PPIL4: variants seen among roughly 807,000 people sequenced by gnomAD.
The protein encoded by PPIL4 is peptidyl-prolyl cis-trans isomerase-like 4.
Under a neutral mutation model 69.1 loss-of-function variants are expected in PPIL4, and 50 were observed. The ratio of observed to expected loss-of-function variants is 0.72; its 90% CI spans 0.58 to 0.92. The LOEUF (loss-of-function observed/expected upper bound fraction) is 0.92. PPIL4 is among the 40% of genes least tolerant of loss of function. PPIL4 has a pLI of 0.00. For synonymous variants in PPIL4, 193 were observed against 191.6 expected, an observed-to-expected ratio of 1.01 and a Z score of -0.06; for missense variants, 480 against 587.9, an observed-to-expected ratio of 0.82 and a Z score of 1.90.
Position 149,505,502 on chromosome 6 carries a change from C to CT in PPIL4, c.1429dup (p.Ser477LysfsTer10), listed in dbSNP as rs1776755480. On this transcript the variant is annotated frameshift_variant, in exon 13 of 13. Transcript: ENST00000253329. LOFTEE classifies it high-confidence loss of function. ...ATCTTTGGACTTCTTTGGACTTCTG[C>CT]TTCGGTCTCTCTTTTTACTCCTTTC... 6.2e-7 allele frequency: 1 copy of CT among 1,613,834 alleles called. No homozygotes were observed. Among genetic ancestry groups the CT allele is most frequent in the Non-Finnish European group, 8.5e-7 (1 of 1,179,924 alleles).
At chr6:149,531,150 G>A (rs1777189739) in intron 7 of PPIL4, among the ~76,000 whole-genome samples, 2 of 151,992 alleles carry the variant, frequency 1.3e-5, no homozygotes, top group South Asian at 4.2e-4. Context: ...GATCGCCTGA[G>A]GTCGGGAGTT....
chr6:149,519,649 C>T (rs1352545194), intron 10 of PPIL4, among the ~76,000 whole-genome samples: 1 of 152,148 alleles, frequency 6.6e-6, no homozygotes, highest in Non-Finnish European at 1.5e-5. Flanking sequence ...ACAGCTTCCA[C>T]TCAACATTCC....
At chr6:149,529,819 A>G (rs1419118664) in intron 7 of PPIL4, among the ~76,000 whole-genome samples, 1 of 151,276 alleles carries the variant, frequency 6.6e-6, no homozygotes, top group East Asian at 1.9e-4. Context: ...GGGAAAGGAG[A>G]AAGGGAAAGG....
At chr6:149,525,259 G>T in intron 8 of PPIL4, 50 bp from the exon 9 acceptor site, 2 of 906,678 alleles carry the variant, frequency 2.2e-6, no homozygotes, top group Non-Finnish European at 3.4e-6. Context: ...AAGGAAGAAA[G>T]CATTCACTCT....
chr6:149,540,917 C>G (rs1777349313), intron 4 of PPIL4, 25 bp downstream of exon 4: 1 of 1,392,050 alleles, frequency 7.2e-7, no homozygotes, highest in South Asian at 1.2e-5. Context: ...CTAAGCAAAT[C>G]TCATATTCTT....
intron 10 of PPIL4, chr6:149,517,852 C>G (rs1044165542): frequency 1.2e-5 from 2 of 161,058 alleles, no homozygotes; most frequent in Non-Finnish European, 2.7e-5. Context: ...AAAGATCTAA[C>G]GAGATAGTGT....
chr6:149,511,805 A>G (rs775134712), intron 12 of PPIL4, among the ~76,000 whole-genome samples: 1 of 152,218 alleles, frequency 6.6e-6, no homozygotes, highest in African/African-American at 2.4e-5. Context: ...AGTGCTATAC[A>G]TAACACTTGG....
intron 9 of PPIL4, among the ~76,000 whole-genome samples, chr6:149,521,424 C>A (rs1258759637): frequency 1.3e-5 from 2 of 152,180 alleles, no homozygotes; most frequent in East Asian, 3.9e-4. Flanking sequence ...AGGGTCAGAG[C>A]CAGGATTTTA....
At position 149,513,035 on chromosome 6, in the gene PPIL4, C is replaced by G. The variant is rs552495203; in HGVS notation, c.1080-733G>C. ...GGGATTACAGGTGTGAGCCACCACA[C>G]CTGCCCATCATGTTTAAATTCTAAT... On this transcript the variant is annotated intron_variant, in intron 11 of 12. Transcript: ENST00000253329. 2.1e-4 allele frequency among the ~76,000 whole-genome samples: 32 copies of G among 151,314 alleles called. No individual in the cohort carries two copies. In the South Asian group the frequency reaches 4.0e-3, roughly 19 times the overall value.
At chr6:149,544,446 G>A (rs1777409734) in intron 1 of PPIL4, among the ~76,000 whole-genome samples, 1 of 152,160 alleles carries the variant, frequency 6.6e-6, no homozygotes, top group Non-Finnish European at 1.5e-5. Flanking sequence ...ATTGTACTGG[G>A]TACTCAGGAT....
intron 1 of PPIL4, among the ~76,000 whole-genome samples, chr6:149,542,910 T>G (rs371815479): frequency 7.9e-5 from 12 of 152,296 alleles, no homozygotes; most frequent in South Asian, 2.1e-4. Flanking sequence ...ACTGGAGAGA[T>G]AAGATGGGGC....
intron 8 of PPIL4, 49 bp from the exon 9 acceptor site, chr6:149,525,258 A>G (rs775869292): frequency 4.2e-6 from 4 of 960,216 alleles, no homozygotes; most frequent in South Asian, 1.5e-5. Context: ...AAAGGAAGAA[A>G]GCATTCACTC....
intron 7 of PPIL4, 57 bp downstream of exon 7, chr6:149,533,399 ACT>A: frequency 1.1e-6 from 1 of 904,366 alleles, no homozygotes. Context: ...AGAAATAAAC[ACT>A]CAGTAAGTAT....
chr6:149,518,984 A>G (rs1776987747), intron 10 of PPIL4, among the ~76,000 whole-genome samples: 2 of 152,248 alleles, frequency 1.3e-5, no homozygotes, highest in Admixed American at 1.3e-4. Flanking sequence ...ATGTGAATCA[A>G]TAACATATAT....
chr6:149,540,310 A>T lies in PPIL4; in HGVS notation c.321+632T>A, dbSNP rs894150767. ...AGAAGGTACTCTGCGTAATGTTTTT[A>T]AAAAAGTAAGAAATACTGAAAAACG... is the stretch of plus-strand genomic sequence containing the variant. On this transcript the variant is annotated intron_variant, in intron 4 of 12. Coordinates refer to ENST00000253329, the MANE Select transcript of PPIL4 (RefSeq NM_139126.4). Among the ~76,000 whole-genome samples, 26 of 152,144 alleles carry T rather than the reference A, an allele frequency of 1.7e-4. 1 individual carries two copies. Among genetic ancestry groups the T allele is most frequent in the Admixed American group, 1.3e-3 (20 of 15,270 alleles).
chr6:149,515,037 C>T (rs1425769802), intron 11 of PPIL4, among the ~76,000 whole-genome samples: 2 of 151,928 alleles, frequency 1.3e-5, no homozygotes, highest in African/African-American at 4.8e-5. Flanking sequence ...GGAGTTTCTG[C>T]ATGTTGGCCA....
rs1251381172 is a variant in PPIL4 at position 149,541,357 on chromosome 6, A to AT, written c.203+9_203+10insA. Reference sequence around the variant, plus strand: ...AATAAATAAATAAATAAATAAATAAAACAACTTACCCAAAGATAGACTCTC... The same window carrying AT: ...AATAAATAAATAAATAAATAAATAAATACAACTTACCCAAAGATAGACTCTC... On this transcript the variant is annotated intron_variant, in intron 3 of 12. Transcript: ENST00000253329. 1.2e-5 allele frequency: 15 copies of AT among 1,230,042 alleles called. No individual in the cohort carries two copies. Among genetic ancestry groups the AT allele is most frequent in the Admixed American group, 2.9e-5 (1 of 34,758 alleles). The allele number at this position is 1,230,042 out of a possible 1,614,324, so 76.2% of individuals were successfully genotyped here.
intron 7 of PPIL4, among the ~76,000 whole-genome samples, chr6:149,531,002 A>G (rs1009191253): frequency 6.6e-6 from 1 of 152,216 alleles, no homozygotes; most frequent in Non-Finnish European, 1.5e-5. Flanking sequence ...TCACTCACGT[A>G]CTATTTCGGC....
chr6:149,545,795 A>T, intron 1 of PPIL4, 141 bp downstream of exon 1: 2 of 733,872 alleles, frequency 2.7e-6, no homozygotes, highest in Non-Finnish European at 4.5e-6. Flanking sequence ...AAGGCCGGTT[A>T]ATAAAATAGC....
Sources: gnomAD v4.1 joint callset for allele counts (sites outside exome capture counted in the v4.1 genomes callset) on GRCh38, gnomAD v4.1.1 for gene constraint, MANE v1.5 for transcripts, NCBI Gene and HGNC (gene_info 2026-07-23, HGNC 2026-07-21) for gene names.